The following ADAM10 variants were observed in gnomAD, a reference collection of about 807,000 sequenced individuals.
The protein encoded by ADAM10 is disintegrin and metalloproteinase domain-containing protein 10.
Under a neutral mutation model 90.1 loss-of-function variants are expected in ADAM10, and 17 were observed. The ratio of observed to expected loss-of-function variants is 0.19; its 90% confidence interval spans 0.13 to 0.28. The LOEUF (loss-of-function observed/expected upper bound fraction) is 0.28, where lower values mean the gene tolerates loss of function less well. Ranked by LOEUF, ADAM10 falls within the 10% of genes least tolerant of loss-of-function variation. The probability of loss-of-function intolerance (pLI) is 1.00; values close to 1 mark genes in which losing one functional copy is unlikely to be tolerated. For synonymous variants in ADAM10, 310 were observed against 298.6 expected (o/e 1.04, Z -0.40); for missense variants, 610 against 914.3 (o/e 0.67, Z 4.29).
In ADAM10 at chr15:58,611,018, A is replaced by G. The variant is rs752747321; in HGVS notation, c.1785T>C (p.His595=). 5.0e-6 allele frequency: 8 copies of G among 1,613,402 alleles called. No homozygotes were observed. In the East Asian group the frequency reaches 1.8e-4, roughly 36 times the overall value. Residue 595 remains histidine, a synonymous_variant, in exon 13 of 16, where the codon CAT becomes CAC. Coordinates refer to ENST00000260408, the MANE Select transcript of ADAM10 (RefSeq NM_001110.4). ...CCTTACTTTTCTTCATACAGCATAC[A>G]TGGCATAATTCTTTATCATCTTTGC... is the stretch of plus-strand genomic sequence containing the variant. The part of the protein sequence containing the change: ...SDGKDDKELC[H]VCCMKKMDPS...
rs1388866668 is a variant in ADAM10 at position 58,749,507 on chromosome 15, G to A, written c.28C>T (p.Leu10Phe). ...CCCATCCCCGCCGCCCAGGAGAGGA[G>A]CAGAATTAACACTCTCAGCAACACC... MVLLRVLIL[L>F]LSWAAGMGGQ... The change falls in exon 1 of 16, where the codon CTC becomes TTC. Residue 10 changes from leucine (L) to phenylalanine (F), a missense_variant. Around this residue, in one of 4 missense-constraint regions of ADAM10, gnomAD observed 310 missense variants for 362.4 expected, o/e 0.86. Transcript: ENST00000260408. 4.5e-6 allele frequency: 7 copies of A among 1,554,012 alleles called. No homozygotes were observed. The Admixed American group carries it at 5.8e-5, about 13-fold the overall frequency.
chr15:58,689,485 C>T (rs188218500), intron 2 of ADAM10, among the ~76,000 whole-genome samples: 1,625 of 151,856 alleles, frequency 0.011, 25 homozygotes, highest in Non-Finnish European at 0.014. Flanking sequence ...GACTCTGTCT[C>T]CACAAAAATA....
intron 4 of ADAM10, among the ~76,000 whole-genome samples, chr15:58,665,800 C>T (rs191793014): frequency 1.1e-4 from 16 of 152,104 alleles, no homozygotes; most frequent in African/African-American, 3.4e-4. Flanking sequence ...GTCATTACTG[C>T]CCTTATTTCC....
At chr15:58,690,034 A>G (rs1897735087) in intron 2 of ADAM10, among the ~76,000 whole-genome samples, 1 of 151,822 alleles carries the variant, frequency 6.6e-6, no homozygotes, top group Non-Finnish European at 1.5e-5. Flanking sequence ...GAACAAAGCA[A>G]TAAATAAAAA....
intron 11 of ADAM10, among the ~76,000 whole-genome samples, chr15:58,619,154 G>T (rs923393156): frequency 6.6e-6 from 1 of 152,094 alleles, no homozygotes; most frequent in Admixed American, 6.6e-5. Context: ...TGGTCACAAA[G>T]AAGAGCAAAA....
intron 1 of ADAM10, among the ~76,000 whole-genome samples, chr15:58,741,741 T>G (rs1010320503): frequency 6.6e-6 from 1 of 152,190 alleles, no homozygotes; most frequent in Non-Finnish European, 1.5e-5. Context: ...CTATCCTTAC[T>G]TATTTCTACG....
intron 2 of ADAM10, chr15:58,691,146 A>T (rs772130917): frequency 7.2e-6 from 5 of 696,584 alleles, no homozygotes; most frequent in Non-Finnish European, 1.4e-5. Flanking sequence ...TGAAGACACA[A>T]GCCTACTGGA....
intron 2 of ADAM10, chr15:58,686,382 C>A (rs1335585066): frequency 3.9e-5 from 34 of 879,190 alleles, no homozygotes; most frequent in Middle Eastern, 2.9e-4. Context: ...AAAAACAAGG[C>A]TGGGCCCTCG....
intron 1 of ADAM10, among the ~76,000 whole-genome samples, chr15:58,734,695 G>A (rs1269268592): frequency 6.8e-6 from 1 of 148,040 alleles, no homozygotes; most frequent in Non-Finnish European, 1.5e-5. Context: ...GTGAGACCCT[G>A]TCTCAAAATT....
intron 1 of ADAM10, among the ~76,000 whole-genome samples, chr15:58,738,497 C>T (rs895091149): frequency 6.6e-6 from 1 of 152,202 alleles, no homozygotes; most frequent in Admixed American, 6.5e-5. Flanking sequence ...CTTCTAGAAG[C>T]AAACAGCTAC....
intron 1 of ADAM10, among the ~76,000 whole-genome samples, chr15:58,728,570 T>C (rs1293381767): frequency 6.6e-6 from 1 of 151,862 alleles, no homozygotes; most frequent in African/African-American, 2.4e-5. Flanking sequence ...CGAGATTCCA[T>C]CTCTATTTTT....
intron 2 of ADAM10, among the ~76,000 whole-genome samples, chr15:58,688,985 A>T (rs932164469): frequency 6.6e-6 from 1 of 151,298 alleles, no homozygotes. Flanking sequence ...AGAAAAAAAA[A>T]TTTGATAAAA....
At chr15:58,699,132 T>C (rs1172446689) in intron 2 of ADAM10, among the ~76,000 whole-genome samples, 2 of 151,856 alleles carry the variant, frequency 1.3e-5, no homozygotes, top group African/African-American at 2.4e-5. Flanking sequence ...CAGGAGAAAA[T>C]GGGATGATAT....
chr15:58,647,382 T>A (rs1896579735), intron 5 of ADAM10, among the ~76,000 whole-genome samples: 1 of 148,906 alleles, frequency 6.7e-6, no homozygotes, highest in Admixed American at 6.8e-5. Flanking sequence ...TGCCTCAGCC[T>A]CCGGCATAGC....
At chr15:58,613,672 G>A (rs892320592) in intron 11 of ADAM10, among the ~76,000 whole-genome samples, 2 of 151,536 alleles carry the variant, frequency 1.3e-5, no homozygotes, top group South Asian at 4.2e-4. Context: ...ATAATAGACA[G>A]CTTCAACAGC....
chr15:58,695,279 T>A (rs1897943729), intron 2 of ADAM10, among the ~76,000 whole-genome samples: 1 of 152,118 alleles, frequency 6.6e-6, no homozygotes, highest in African/African-American at 2.4e-5. Context: ...CCAACACATC[T>A]TCTAAATGAG....
At chr15:58,608,237 C>T (rs1048921913) in intron 14 of ADAM10, among the ~76,000 whole-genome samples, 2 of 152,102 alleles carry the variant, frequency 1.3e-5, no homozygotes, top group African/African-American at 4.8e-5. Flanking sequence ...TAGTGTAACA[C>T]AGAAAGAAGA....
chr15:58,606,763 C>T (rs919711615), intron 14 of ADAM10, among the ~76,000 whole-genome samples: 11 of 152,158 alleles, frequency 7.2e-5, no homozygotes, highest in Non-Finnish European at 1.2e-4. Flanking sequence ...TGGAATGGAA[C>T]GTAAGAATTT....
At chr15:58,676,311 T>G (rs551025363) in intron 4 of ADAM10, 1 of 455,656 alleles carries the variant, frequency 2.2e-6, no homozygotes, top group Non-Finnish European at 4.4e-6. Flanking sequence ...GTGGGAATAA[T>G]AGGTGTGCCA....
Sources: gnomAD v4.1 joint callset for allele counts (sites outside exome capture counted in the v4.1 genomes callset) on GRCh38, gnomAD v4.1.1 for gene constraint, gnomAD v4.1.1 regional missense constraint, MANE v1.5 for transcripts, NCBI Gene and HGNC (gene_info 2026-07-23, HGNC 2026-07-21) for gene names.